Variants in USP37 observed in about 807,000 individuals in gnomAD.
The protein encoded by USP37 is ubiquitin specific peptidase 37, also known as ubiquitin carboxyl-terminal hydrolase 37.
In USP37, 27 loss-of-function variants were observed where a neutral mutation model predicts 124.0. That is an observed-to-expected ratio of 0.22 (90% CI 0.16 to 0.30). The LOEUF (loss-of-function observed/expected upper bound fraction) is 0.30, where lower values mean the gene tolerates loss of function less well. Among genes scored for constraint, USP37 ranks in the 10% least tolerant of loss-of-function variants. USP37 has a pLI of 1.00. For missense variants in USP37, 889 were observed against 1,140.4 expected (o/e 0.78, Z 3.17); for synonymous variants, 365 against 388.0 (o/e 0.94, Z 0.70).
At chr2:218,511,530 G>A (rs1458285297) in intron 10 of USP37, among the ~76,000 whole-genome samples, 1 of 151,954 alleles carries the variant, frequency 6.6e-6, no homozygotes, top group East Asian at 1.9e-4. Flanking sequence ...GGCTGGTCTC[G>A]AACTCCTGAC....
intron 12 of USP37, 64 bp downstream of exon 12, chr2:218,497,962 A>C (rs1689165866): frequency 3.2e-6 from 5 of 1,567,838 alleles, no homozygotes; most frequent in Admixed American, 1.9e-5. Context: ...AGTGTCTAAA[A>C]TTCCATTATT....
At position 218,558,600 on chromosome 2, in the gene USP37, C is replaced by A. The variant is rs1395160497; in HGVS notation, c.54G>T (p.Gly18=). The A allele has an allele frequency of 6.2e-7, 1 of 1,613,464 alleles. No homozygotes were observed. Among genetic ancestry groups the A allele is most frequent in the Admixed American group, 1.7e-5 (1 of 60,006 alleles). Residue 18 remains glycine, a synonymous_variant, in exon 4 of 26, where the codon GGG becomes GGT. Transcript: ENST00000258399. Reference sequence around the variant, plus strand: ...AGGATCCTTCTTTCCACTTTGTAATCCCAGTCTGCATACTTCGAATTCTGA... The same window carrying A: ...AGGATCCTTCTTTCCACTTTGTAATACCAGTCTGCATACTTCGAATTCTGA... ...GPIRIRSMQT[G]ITKWKEGSFE... is the part of the protein sequence containing the mutation.
rs1325759516 is a variant in USP37, at chr2:218,480,414, A to G, written c.1836-699T>C. 6.0e-5 allele frequency among the ~76,000 whole-genome samples: 9 copies of G among 151,176 alleles called. No homozygotes were observed. The South Asian group carries it at 1.5e-3, about 25-fold the overall frequency. On this transcript the variant is annotated intron_variant, in intron 17 of 25. Coordinates refer to ENST00000258399, the MANE Select transcript of USP37 (RefSeq NM_020935.3). ...ACTCCGTCTCAAAAAAAAAAAAAAA[A>G]AAAAAAAAAATACTAGCAATAGAGG...
At position 218,544,436 on chromosome 2, in the gene USP37, GAGA is replaced by G. The variant is rs1559220779; in HGVS notation, c.680+1782_680+1784del. Among the ~76,000 whole-genome samples the G allele has an allele frequency of 5.5e-4, 68 of 122,938 alleles. 4 individuals carry two copies. Among genetic ancestry groups the G allele is most frequent in the African/African-American group, 2.0e-3 (64 of 31,498 alleles). The allele number at this position is 122,938 out of a possible 152,430, so 80.7% of individuals were successfully genotyped here. The stretch of plus-strand genomic sequence containing the variant: ...ATATATATATATATATATATAGAGA[GAGA>G]GAGAGAGAGAGAGAGAGAGAGACCC... On this transcript the variant is annotated intron_variant, in intron 8 of 25. Coordinates refer to ENST00000258399, the MANE Select transcript of USP37 (RefSeq NM_020935.3).
chr2:218,556,858 T>C (rs2106056535), intron 4 of USP37, among the ~76,000 whole-genome samples: 1 of 151,922 alleles, frequency 6.6e-6, no homozygotes, highest in South Asian at 2.1e-4. Flanking sequence ...CTCATTCAGC[T>C]GTGTATACTT....
In USP37 at chr2:218,463,329, C is replaced by T. The variant is rs781684029; in HGVS notation, c.2504G>A (p.Arg835Lys). 1 of 1,613,854 alleles carries T rather than the reference C, an allele frequency of 6.2e-7. No homozygotes were observed. The highest frequency in any genetic ancestry group is 1.1e-5 in the South Asian group (1 of 91,080). Residue 835 changes from arginine to lysine, a missense_variant, in exon 22 of 26, where the codon AGA becomes AAA. Arg to Lys is a conservative substitution (Grantham distance 26, BLOSUM62 2). Transcript: ENST00000258399. ...ACCTTGAAGACTTAACTCGGTAGCT[C>T]TTTTGAGGTCATCATCTTCTTTCTG... ...WEQKEDDDLK[R>K]ATELSLQEFN...
chr2:218,484,886 C>T (rs963510113), intron 16 of USP37, among the ~76,000 whole-genome samples: 1 of 152,110 alleles, frequency 6.6e-6, no homozygotes, highest in Admixed American at 6.6e-5. Flanking sequence ...GTCCTGTAAC[C>T]ACATAATAAT....
intron 19 of USP37, 75 bp from the exon 20 acceptor site, chr2:218,474,960 G>C (rs1690886457): frequency 1.4e-6 from 2 of 1,449,472 alleles, no homozygotes; most frequent in Non-Finnish European, 1.8e-6. Context: ...ATTTAAAGTA[G>C]CAACTTTATT....
intron 7 of USP37, 87 bp from the exon 8 acceptor site, chr2:218,546,385 A>C (rs916942493): frequency 1.2e-6 from 1 of 846,320 alleles, no homozygotes; most frequent in African/African-American, 1.7e-5. Flanking sequence ...AGGACAGGAA[A>C]TGGGACTACT....
At chr2:218,483,280 C>T (rs913596468) in intron 16 of USP37, among the ~76,000 whole-genome samples, 2 of 151,632 alleles carry the variant, frequency 1.3e-5, no homozygotes, top group African/African-American at 2.4e-5. Flanking sequence ...CCCTGCTATG[C>T]ATGGAGCAGT....
chr2:218,488,725 TC>T (rs1365344716), intron 14 of USP37, among the ~76,000 whole-genome samples: 1 of 152,074 alleles, frequency 6.6e-6, no homozygotes, highest in African/African-American at 2.4e-5. Context: ...AACCTCCGCC[TC>T]CCGGGTTCAA....
chr2:218,510,205 T>C (rs1251690415), intron 10 of USP37, 65 bp from the exon 11 acceptor site: 1 of 1,531,494 alleles, frequency 6.5e-7, no homozygotes, highest in Non-Finnish European at 8.8e-7. Flanking sequence ...TTTCCTTGAA[T>C]AGATTAAGAG....
intron 11 of USP37, among the ~76,000 whole-genome samples, chr2:218,504,231 G>A (rs1475139627): frequency 1.3e-5 from 2 of 152,140 alleles, no homozygotes; most frequent in Non-Finnish European, 2.9e-5. Context: ...TATCAGGACT[G>A]CAGCCTCTGA....
At chr2:218,511,227 C>T (rs908272316) in intron 10 of USP37, among the ~76,000 whole-genome samples, 1 of 152,050 alleles carries the variant, frequency 6.6e-6, no homozygotes, top group South Asian at 2.1e-4. Flanking sequence ...GCAACCTCCA[C>T]CTCCCGGTTT....
At chr2:218,463,743 G>C (rs551626993) in intron 21 of USP37, among the ~76,000 whole-genome samples, 7 of 151,692 alleles carry the variant, frequency 4.6e-5, no homozygotes, top group Non-Finnish European at 8.8e-5. Context: ...CACCATGTTA[G>C]CCAGGGTGGT....
chr2:218,488,583 C>T (rs1691724294), intron 14 of USP37, among the ~76,000 whole-genome samples, 162 bp from the exon 15 acceptor site: 1 of 152,154 alleles, frequency 6.6e-6, no homozygotes, highest in African/African-American at 2.4e-5. Flanking sequence ...TACTTTAACC[C>T]TTATTAAATT....
chr2:218,493,483 T>C (rs1158446571), intron 14 of USP37, among the ~76,000 whole-genome samples: 1 of 152,078 alleles, frequency 6.6e-6, no homozygotes, highest in Non-Finnish European at 1.5e-5. Context: ...CTTTCTTTCT[T>C]TTTTTGAGAT....
intron 16 of USP37, among the ~76,000 whole-genome samples, chr2:218,484,639 AACAACAAC>A (rs1397199854): frequency 7.3e-5 from 8 of 109,200 alleles, no homozygotes; most frequent in Non-Finnish European, 1.1e-4. Flanking sequence ...CAACAACAAC[AACAACAAC>A]AAACAACCAA....
At chr2:218,565,073 C>T (rs561129390) in intron 1 of USP37, among the ~76,000 whole-genome samples, 1 of 152,268 alleles carries the variant, frequency 6.6e-6, no homozygotes, top group East Asian at 1.9e-4. Context: ...AGGCACATGC[C>T]ACCAAACCCG....
Sources: allele counts gnomAD v4.1 joint callset (sites outside exome capture counted in the v4.1 genomes callset), GRCh38; gene constraint gnomAD v4.1.1; transcripts MANE v1.5; gene names NCBI Gene and HGNC (gene_info 2026-07-23, HGNC 2026-07-21).